Variants in ZDHHC19 observed in about 807,000 individuals in gnomAD.
ZDHHC19 encodes zDHHC palmitoyltransferase 19, also known as palmitoyltransferase ZDHHC19.
Under a neutral mutation model 33.9 loss-of-function variants are expected in ZDHHC19, and 30 were observed. The observed-to-expected ratio is 0.88, with a 90% CI of 0.66 to 1.20. ZDHHC19 has a LOEUF of 1.20. Ranked by LOEUF, ZDHHC19 falls within the 50% of genes most tolerant of loss-of-function variation. The pLI, the probability that ZDHHC19 is intolerant of heterozygous loss-of-function variation, is 0.00. For missense variants in ZDHHC19, 364 were observed against 401.1 expected (o/e 0.91, Z 0.79); for synonymous variants, 178 against 167.6 (o/e 1.06, Z -0.48).
At chr3:196,207,257 TC>T (rs1413587451) in intron 5 of ZDHHC19, 140 bp downstream of exon 5, 1 of 660,826 alleles carries the variant, frequency 1.5e-6, no homozygotes, top group African/African-American at 1.9e-5. Flanking sequence ...GATTGGAGCC[TC>T]TTAAGAGCTG....
chr3:196,211,366 C>T lies in ZDHHC19; in HGVS notation c.-51G>A. 1.3e-6 allele frequency: 2 copies of T among 1,546,880 alleles called. No homozygotes were observed. The highest frequency in any genetic ancestry group is 2.3e-5 in the East Asian group (1 of 44,402). On this transcript the variant is annotated 5_prime_UTR_variant, in exon 1 of 8. Coordinates refer to ENST00000296326, the MANE Select transcript of ZDHHC19 (RefSeq NM_001039617.2). ...GAGGTCAGAGCCACCAGGCTTCCTC[C>T]CCCAGCCCAGCTTCCAGAGCTCCAT...
Position 196,197,683 on chromosome 3 carries a change from G to A in ZDHHC19, c.*62C>T, listed in dbSNP as rs1488736937. 6.6e-6 allele frequency: 1 copy of A among 152,600 alleles called. No homozygotes were observed. Among genetic ancestry groups the A allele is most frequent in the East Asian group, 1.9e-4 (1 of 5,196 alleles). 9.5% of individuals were successfully genotyped at this position (152,600 alleles called of 1,614,324 possible). The stretch of plus-strand genomic sequence containing the variant: ...CGAGAGGAAGGCCGAACCTCGCCTG[G>A]GGGCTCCTGCAGCAGCAGGGGCAGC... On this transcript the variant is annotated 3_prime_UTR_variant, in exon 8 of 8. Transcript: ENST00000296326. This position sits in a 1 kb window ranked among gnomAD's most constrained non-coding sequence, Gnocchi z 4.4.
Position 196,210,716 on chromosome 3 carries a change from G to T in ZDHHC19, c.168C>A (p.Asn56Lys), listed in dbSNP as rs769365387. Residue 56 changes from asparagine (N) to lysine (K), a missense_variant, in exon 2 of 8, where the codon AAC becomes AAA. By Grantham distance (94) the Asn-to-Lys change is moderately conservative (BLOSUM62 0). Transcript: ENST00000296326. ...FAFPCRWLAQ[N>K]GEWAFPVITG... ...TGATAACAGGAAAGGCCCACTCCCC[G>T]TTCTGAGCCAGCCACCTGCAACTGA... 1 of 1,613,738 alleles carries T rather than the reference G, an allele frequency of 6.2e-7. No homozygotes were observed. The highest frequency in any genetic ancestry group is 8.5e-7 in the Non-Finnish European group (1 of 1,179,866).
chr3:196,211,265 C>T lies in ZDHHC19; in HGVS notation c.51G>A (p.Leu17=), dbSNP rs1723284000. The T allele has an allele frequency of 1.2e-6, 2 of 1,614,134 alleles. No individual in the cohort carries two copies. Among genetic ancestry groups the T allele is most frequent in the Non-Finnish European group, 1.7e-6 (2 of 1,180,010 alleles). ...GGAACCAGGGACGTGGGACCAGAGGCAGGGGATGGGGCTCCTTCACCAGCG... is the reference window on the plus strand; with the variant it reads ...GGAACCAGGGACGTGGGACCAGAGGTAGGGGATGGGGCTCCTTCACCAGCG... ...ATPLVKEPHP[L]PLVPRPWFLP... is the part of the protein sequence containing the mutation. Residue 17 remains leucine (L), a synonymous_variant, in exon 1 of 8, where the codon CTG becomes CTA. Coordinates refer to ENST00000296326, the MANE Select transcript of ZDHHC19 (RefSeq NM_001039617.2).
intron 5 of ZDHHC19, among the ~76,000 whole-genome samples, chr3:196,200,344 GTATATATATA>G (rs980091923): frequency 2.4e-5 from 1 of 41,664 alleles, no homozygotes; most frequent in African/African-American, 7.1e-5. Context: ...ATATATATAT[GTATATATATA>G]TATAATTTTT....
chr3:196,198,667 A>G (rs1481153437), intron 6 of ZDHHC19, 122 bp downstream of exon 6: 1 of 1,582,228 alleles, frequency 6.3e-7, no homozygotes, highest in Non-Finnish European at 8.6e-7. Context: ...GCCCTGGAGA[A>G]AACCCCAGAG....
Position 196,210,268 on chromosome 3 carries a change from G to GAGAAAGAAAGAAAGAAAGAAAGAAAGAA in ZDHHC19, c.268+347_268+348insTTCTTTCTTTCTTTCTTTCTTTCTTTCT, listed in dbSNP as rs59234849. ...AAGAAAGAAAAAGAAAGAAAGAAAAGAGAAAGAAAGAAAGAAAGAAGGAAG... is the reference window on the plus strand; with the variant it reads ...AAGAAAGAAAAAGAAAGAAAGAAAAGAGAAAGAAAGAAAGAAAGAAAGAAAGAAAGAAAGAAAGAAAGAAAGAAGGAAG... On this transcript the variant is annotated intron_variant, in intron 2 of 7. Coordinates refer to ENST00000296326, the MANE Select transcript of ZDHHC19 (RefSeq NM_001039617.2). Among the ~76,000 whole-genome samples, 551 of 119,286 alleles carry GAGAAAGAAAGAAAGAAAGAAAGAAAGAA rather than the reference G, an allele frequency of 4.6e-3. 5 individuals carry two copies. Among genetic ancestry groups the GAGAAAGAAAGAAAGAAAGAAAGAAAGAA allele is most frequent in the African/African-American group, 0.016 (502 of 30,944 alleles). 78.3% of individuals were successfully genotyped at this position (119,286 alleles called of 152,430 possible). A position where few individuals can be genotyped will look rare whatever the true frequency, so the allele number is the denominator to read the frequency against.
intron 2 of ZDHHC19, among the ~76,000 whole-genome samples, 182 bp downstream of exon 2, chr3:196,210,434 G>GAA (rs1390359196): frequency 2.2e-5 from 2 of 92,422 alleles, no homozygotes; most frequent in African/African-American, 1.3e-4. Flanking sequence ...AAGAAAGAAA[G>GAA]AGAAAGAAAG....
Position 196,209,067 on chromosome 3 carries a change from G to A in ZDHHC19, c.408+309C>T, listed in dbSNP as rs1723007692. ...GCGGGCAGCCAGCCTGAGGGGCTTG[G>A]GTATCTCGTGTTAGCGAGCCCAGGG... On this transcript the variant is annotated intron_variant, in intron 3 of 7. Transcript: ENST00000296326. The A allele has an allele frequency of 8.4e-6, 3 of 357,144 alleles. No individual in the cohort carries two copies. The East Asian group carries it at 1.5e-4, about 18-fold the overall frequency. The allele number at this position is 357,144 out of a possible 1,614,324, so 22.1% of individuals were successfully genotyped here. A position where few individuals can be genotyped will look rare whatever the true frequency, so the allele number is the denominator to read the frequency against.
At chr3:196,210,404 AG>A (rs1158658995) in intron 2 of ZDHHC19, among the ~76,000 whole-genome samples, 14 of 142,442 alleles carry the variant, frequency 9.8e-5, no homozygotes, top group African/African-American at 3.5e-4. Context: ...AGAAAGAGGG[AG>A]AGAGAGAGGA....
rs1722813943 is a variant in ZDHHC19, at chr3:196,207,304, G to A, written c.687+94C>T. The A allele has an allele frequency of 3.6e-6, 4 of 1,100,450 alleles. No individual in the cohort carries two copies. In the South Asian group the frequency reaches 4.3e-5, roughly 12 times the overall value. 68.2% of individuals were successfully genotyped at this position (1,100,450 alleles called of 1,614,324 possible). A position where few individuals can be genotyped will look rare whatever the true frequency, so the allele number is the denominator to read the frequency against. ...GACCTAACGAGGCACCATCGCGGGT[G>A]GGGGTCAGGCTATCAGGGCCAAGGG... is the stretch of plus-strand genomic sequence containing the variant. On this transcript the variant is annotated intron_variant, in intron 5 of 7. Transcript: ENST00000296326.
rs556168116 is a variant in ZDHHC19, at chr3:196,209,614, C to T, written c.269-99G>A. The T allele has an allele frequency of 6.1e-6, 9 of 1,476,290 alleles. No individual in the cohort carries two copies. The African/African-American group carries it at 1.1e-4, about 18-fold the overall frequency. The allele number at this position is 1,476,290 out of a possible 1,614,324, so 91.4% of individuals were successfully genotyped here. On this transcript the variant is annotated intron_variant, in intron 2 of 7. Coordinates refer to ENST00000296326, the MANE Select transcript of ZDHHC19 (RefSeq NM_001039617.2). ...CACAGGGCACAAGGAAGGGTGGGGACAAGGTGGGCAGGGGAACCCCTGTCC... is the reference window on the plus strand; with the variant it reads ...CACAGGGCACAAGGAAGGGTGGGGATAAGGTGGGCAGGGGAACCCCTGTCC...
At chr3:196,210,337 GA>G (rs60446143) in intron 2 of ZDHHC19, among the ~76,000 whole-genome samples, 1 of 133,524 alleles carries the variant, frequency 7.5e-6, no homozygotes, top group Non-Finnish European at 1.6e-5. Flanking sequence ...AAGAAAGAAA[GA>G]AAGAAAAGAG....
chr3:196,199,919 TG>T (rs1183629070), intron 5 of ZDHHC19, among the ~76,000 whole-genome samples: 3 of 151,912 alleles, frequency 2.0e-5, no homozygotes, highest in African/African-American at 7.3e-5. Flanking sequence ...CACTCCAGCC[TG>T]GGCGACAGAG....
At chr3:196,199,257 C>T (rs1174378627) in intron 5 of ZDHHC19, 2 of 223,984 alleles carry the variant, frequency 8.9e-6, no homozygotes, top group Non-Finnish European at 1.8e-5. Context: ...GGTTCTCTCC[C>T]TCCTCTCTCC....
intron 3 of ZDHHC19, chr3:196,209,053 G>A (rs112348288): frequency 4.4e-5 from 15 of 337,414 alleles, no homozygotes; most frequent in Non-Finnish European, 8.2e-5. Flanking sequence ...CGGGCAGCCA[G>A]CCTGAGGGGC....
At chr3:196,208,955 G>A (rs952055827) in intron 3 of ZDHHC19, 4 of 270,714 alleles carry the variant, frequency 1.5e-5, no homozygotes, top group South Asian at 6.3e-5. Flanking sequence ...TATGCAAGCC[G>A]TGCTCTCGAG....
At chr3:196,199,830 A>C (rs1722115322) in intron 5 of ZDHHC19, among the ~76,000 whole-genome samples, 1 of 151,914 alleles carries the variant, frequency 6.6e-6, no homozygotes, top group Admixed American at 6.6e-5. Flanking sequence ...CTGTGATCCC[A>C]GCTACTCGGG....
chr3:196,210,807 G>A (rs12718059), intron 1 of ZDHHC19, 70 bp from the exon 2 acceptor site: 856,645 of 1,567,984 alleles, frequency 0.55, 234,592 homozygotes, highest in South Asian at 0.59. Flanking sequence ...CCTGTGGCTT[G>A]CTCAGGTCAG....
Sources: gnomAD v4.1 joint callset for allele counts (sites outside exome capture counted in the v4.1 genomes callset) on GRCh38, gnomAD v4.1.1 for gene constraint, Gnocchi (gnomAD v3.1) non-coding constraint, MANE v1.5 for transcripts, NCBI Gene and HGNC (gene_info 2026-07-23, HGNC 2026-07-21) for gene names.